SPON2: variants seen among roughly 807,000 people sequenced by gnomAD.
SPON2 encodes spondin-2.
SPON2 carries 32 observed loss-of-function variants against 29.9 expected under a neutral mutation model. That is an observed-to-expected ratio of 1.07 (90% CI 0.81 to 1.44). The LOEUF is 1.44. SPON2 is among the 40% of genes most tolerant of loss of function. The pLI is 0.00. For missense variants in SPON2, 541 were observed against 455.5 expected (o/e 1.19, Z -1.71); for synonymous variants, 248 against 209.1 (o/e 1.19, Z -1.61).
intron 1 of SPON2, among the ~76,000 whole-genome samples, chr4:1,187,517 TTTATG>T (rs1727827964): frequency 6.6e-6 from 1 of 152,228 alleles, no homozygotes; most frequent in Non-Finnish European, 1.5e-5. Context: ...GATGGTAAAT[TTTATG>T]TTATATGTAT....
At chr4:1,181,635 A>C (rs2108658037) in intron 1 of SPON2, among the ~76,000 whole-genome samples, 1 of 152,342 alleles carries the variant, frequency 6.6e-6, no homozygotes, top group South Asian at 2.1e-4. Context: ...GTTTGGAGGC[A>C]AAATGCAGTT....
chr4:1,185,926 G>A (rs1201488376), intron 1 of SPON2, among the ~76,000 whole-genome samples: 1 of 152,092 alleles, frequency 6.6e-6, no homozygotes, highest in Non-Finnish European at 1.5e-5. Flanking sequence ...TGGACGTCAT[G>A]AAAATTAGAA....
At chr4:1,196,819 G>T (rs968659017), upstream of SPON2, 2 of 152,312 alleles carry the variant, frequency 1.3e-5, no homozygotes, top group Non-Finnish European at 2.9e-5. Flanking sequence ...GCAGACACTA[G>T]AAGGTATGTC....
intron 1 of SPON2, among the ~76,000 whole-genome samples, chr4:1,203,934 G>C (rs57890261): frequency 6.6e-6 from 1 of 151,962 alleles, no homozygotes; most frequent in African/African-American, 2.4e-5. Flanking sequence ...GCAGTGGCGC[G>C]ATCTCAGCTC....
intron 4 of SPON2, 104 bp from the exon 5 acceptor site, chr4:1,170,680 G>T: frequency 1.5e-6 from 2 of 1,329,722 alleles, no homozygotes; most frequent in Non-Finnish European, 2.1e-6. Flanking sequence ...CGTGCCCTCT[G>T]CACCACTGTT....
Position 1,202,283 on chromosome 4 carries a change from T to C in SPON2, c.-234+5597A>G, listed in dbSNP as rs1728230217. 1.3e-5 allele frequency among the ~76,000 whole-genome samples: 2 copies of C among 152,176 alleles called. No homozygotes were observed. The highest frequency in any genetic ancestry group is 2.9e-5 in the Non-Finnish European group (2 of 68,036). On this transcript the variant is annotated intron_variant, in intron 1 of 3. Transcript: ENST00000509233. The surrounding 1 kb of genome is among the most constrained non-coding windows in gnomAD (Gnocchi z 5.4). ...CCACAAGCCCTTTTCATGGTGGCTT[T>C]AGTCACAAGGGCTCTGCCTCGTGAG...
chr4:1,167,394 G>T lies in SPON2; in HGVS notation c.*78C>A, dbSNP rs2153076257. 4.2e-6 allele frequency: 6 copies of T among 1,441,904 alleles called. No individual in the cohort carries two copies. The East Asian group carries it at 9.2e-5, about 22-fold the overall frequency. The allele number at this position is 1,441,904 out of a possible 1,614,324, so 89.3% of individuals were successfully genotyped here. A position where few individuals can be genotyped will look rare whatever the true frequency, so the allele number is the denominator to read the frequency against. The stretch of plus-strand genomic sequence containing the variant: ...CGCGAAACCCCCTGTGCCCTCGGCC[G>T]CCTGCAGCATGAGCCTGCACAGGAG... On this transcript the variant is annotated 3_prime_UTR_variant, in exon 6 of 6. Coordinates refer to ENST00000290902, the MANE Select transcript of SPON2 (RefSeq NM_012445.4).
Position 1,206,660 on chromosome 4 carries a change from T to A in SPON2, c.-234+1220A>T, listed in dbSNP as rs551905353. ...GAAGGAGCCTCCCCAGGCTCAGCTC[T>A]GCAGGCGGAGAGGGGAGGCAGGGCC... On this transcript the variant is annotated intron_variant, in intron 1 of 3. Coordinates refer to the SPON2 transcript ENST00000509233. Among the ~76,000 whole-genome samples, 67 of 152,276 alleles carry A rather than the reference T, an allele frequency of 4.4e-4. 1 individual carries two copies. Among genetic ancestry groups the A allele is most frequent in the African/African-American group, 1.4e-3 (58 of 41,558 alleles).
At position 1,170,453 on chromosome 4, in the gene SPON2, G is replaced by C; in HGVS notation, c.760C>G (p.Pro254Ala). 1 of 1,614,038 alleles carries C rather than the reference G, an allele frequency of 6.2e-7. No individual in the cohort carries two copies. The highest frequency in any genetic ancestry group is 8.5e-7 in the Non-Finnish European group (1 of 1,179,952). The change falls in exon 5 of 6, where the codon CCC (proline) becomes GCC (alanine). Residue 254 changes from proline to alanine, a missense_variant. Physicochemically the swap from Pro to Ala is conservative, Grantham distance 27. Coordinates refer to ENST00000290902, the MANE Select transcript of SPON2 (RefSeq NM_012445.4). ...LRQSPRAFIP[P>A]APVLPSRDNE... is the part of the protein sequence containing the mutation. ...TCCCTGCTGGGCAGGACTGGGGCGG[G>C]AGGGATGAAGGCCCTGGGGCTCTGT... is the stretch of plus-strand genomic sequence containing the variant.
chr4:1,203,037 G>GA (rs1728251601), intron 1 of SPON2, among the ~76,000 whole-genome samples: 1 of 152,240 alleles, frequency 6.6e-6, no homozygotes, highest in African/African-American at 2.4e-5. Context: ...AAAAGGGCTA[G>GA]AAGGAACTAG....
chr4:1,177,870 C>T (rs1364017613), upstream of SPON2, among the ~76,000 whole-genome samples: 1 of 152,166 alleles, frequency 6.6e-6, no homozygotes, highest in Non-Finnish European at 1.5e-5. Flanking sequence ...CGGGAGCGGC[C>T]GTCTCCTCCA....
At chr4:1,170,287 A>C in intron 5 of SPON2, 115 bp downstream of exon 5, 1 of 936,968 alleles carries the variant, frequency 1.1e-6, no homozygotes. Context: ...ATCTTGCAGT[A>C]CGCACTACGA....
Position 1,186,182 on chromosome 4 carries a change from T to G in SPON2, c.-238-6641A>C, listed in dbSNP as rs556146475. On this transcript the variant is annotated intron_variant, in intron 1 of 3. Coordinates refer to the SPON2 transcript ENST00000502483. ...TGGTGTGAACCTGGGAGGCGGAGCT[T>G]GCAGTGAGCTGAGATCGGGCCACTA... is the stretch of plus-strand genomic sequence containing the variant. Among the ~76,000 whole-genome samples, 255 of 147,388 alleles carry G rather than the reference T, an allele frequency of 1.7e-3. 1 individual carries two copies. The highest frequency in any genetic ancestry group is 5.8e-3 in the African/African-American group (229 of 39,228).
rs1337089286 is a variant in SPON2, at chr4:1,171,500, C to T, written c.221-14G>A. 1.9e-6 allele frequency: 3 copies of T among 1,604,048 alleles called. No individual in the cohort carries two copies. The Admixed American group carries it at 5.0e-5, about 27-fold the overall frequency. On this transcript the variant is annotated splice_polypyrimidine_tract_variant and intron_variant, in intron 2 of 5. Coordinates refer to ENST00000290902, the MANE Select transcript of SPON2 (RefSeq NM_012445.4). ...TATGCGCGGCCCCTGCAGGACCACC[C>T]GGCCGCGCCGCGGACCATGGTCAGA...
chr4:1,177,426 C>T (rs1317105927), upstream of SPON2, among the ~76,000 whole-genome samples: 1 of 152,212 alleles, frequency 6.6e-6, no homozygotes, highest in Non-Finnish European at 1.5e-5. Flanking sequence ...TGTGAAGCTC[C>T]TTTCCCAGTC....
exon 1 of SPON2, chr4:1,195,066 T>TCCAACCCCGCAGCCGGCGA (rs1560210826): frequency 9.1e-5 from 2 of 21,958 alleles, no homozygotes; most frequent in East Asian, 1.6e-3. Context: ...GCAGCCGGCG[T>TCCAACCCCGCAGCCGGCGA]CTCCAACCCC....
rs1429173653 is a variant in SPON2 at position 1,167,242 on chromosome 4, G to A, written c.*230C>T. The stretch of plus-strand genomic sequence containing the variant: ...CAGGAGGAGGAGGCTGAGAGCAGAC[G>A]GGACACGGGGGCCCCTAAGAAGCAA... On this transcript the variant is annotated 3_prime_UTR_variant, in exon 6 of 6. Transcript: ENST00000290902. 1 of 496,760 alleles carries A rather than the reference G, an allele frequency of 2.0e-6. No individual in the cohort carries two copies. The highest frequency in any genetic ancestry group is 3.6e-6 in the Non-Finnish European group (1 of 280,384). 30.8% of individuals were successfully genotyped at this position (496,760 alleles called of 1,614,324 possible).
chr4:1,199,966 GAGCCTCTCCCCCCAGCCTGA>G (rs1728156087), upstream of SPON2: 1 of 152,254 alleles, frequency 6.6e-6, no homozygotes, highest in Admixed American at 6.5e-5. This position sits in a 1 kb window ranked among gnomAD's most constrained non-coding sequence, Gnocchi z 4.5. Context: ...ACCCAGTCTG[GAGCCTCTCCCCCCAGCCTGA>G]AGCCCAGCCT....
At chr4:1,193,903 C>A (rs1190394893) in intron 1 of SPON2, among the ~76,000 whole-genome samples, 5 of 98,758 alleles carry the variant, frequency 5.1e-5, no homozygotes, top group Non-Finnish European at 1.0e-4. Context: ...GTGGGAAGGA[C>A]GTGCGGGTGG....
Sources: allele counts gnomAD v4.1 joint callset (sites outside exome capture counted in the v4.1 genomes callset), GRCh38; gene constraint gnomAD v4.1.1; non-coding constraint Gnocchi (gnomAD v3.1); transcripts MANE v1.5; gene names NCBI Gene and HGNC (gene_info 2026-07-23, HGNC 2026-07-21).